Variants in DNAH7 observed in about 807,000 individuals in gnomAD.
DNAH7 encodes dynein axonemal heavy chain 7, also known as axonemal beta dynein heavy chain 7.
In DNAH7, 397 loss-of-function variants were observed where a neutral mutation model predicts 444.6. The observed-to-expected ratio is 0.89, with a 90% confidence interval of 0.82 to 0.97. The LOEUF is 0.97. Ranked by LOEUF, DNAH7 falls within the 50% of genes least tolerant of loss-of-function variation. The probability of loss-of-function intolerance (pLI) is 0.00; values close to 1 mark genes in which losing one functional copy is unlikely to be tolerated. For synonymous variants in DNAH7, 1,636 were observed against 1,624.4 expected (o/e 1.01, Z -0.17); for missense variants, 4,902 against 4,800.8 (o/e 1.02, Z -0.62).
chr2:195,879,744 CTG>C (rs1228764059), intron 36 of DNAH7, among the ~76,000 whole-genome samples: 15 of 152,106 alleles, frequency 9.9e-5, no homozygotes, highest in Middle Eastern at 6.8e-3. Flanking sequence ...TCTATAAAAG[CTG>C]TGTATTTATG....
In DNAH7 at chr2:195,808,051, A is replaced by C. The variant is rs527772508; in HGVS notation, c.10083+631T>G. On this transcript the variant is annotated intron_variant, in intron 53 of 64. Coordinates refer to ENST00000312428, the MANE Select transcript of DNAH7 (RefSeq NM_018897.3). ...AACCTCTCCCTAGGAGAGCTCTTGC[A>C]TATTAAACTCACAGAAAGCAGGAAG... 1.1e-3 allele frequency among the ~76,000 whole-genome samples: 165 copies of C among 152,332 alleles called. 2 individuals are homozygous for C. Among genetic ancestry groups the C allele is most frequent in the African/African-American group, 3.8e-3 (157 of 41,574 alleles).
chr2:195,776,273 G>A (rs1171476684), intron 59 of DNAH7, among the ~76,000 whole-genome samples: 3 of 151,946 alleles, frequency 2.0e-5, no homozygotes, highest in East Asian at 1.9e-4. Context: ...GAGAAACCCC[G>A]TCTCTCCTAA....
rs755912873 is a variant in DNAH7 at position 195,766,167 on chromosome 2, A to ATTTTTTTTTTTTTTTTTTTTTTTTTTTTT, written c.11433+5492_11433+5493insAAAAAAAAAAAAAAAAAAAAAAAAAAAAA. Among the ~76,000 whole-genome samples, 138 of 57,330 alleles carry ATTTTTTTTTTTTTTTTTTTTTTTTTTTTT rather than the reference A, an allele frequency of 2.4e-3. 29 individuals are homozygous for ATTTTTTTTTTTTTTTTTTTTTTTTTTTTT. The highest frequency in any genetic ancestry group is 3.6e-3 in the Non-Finnish European group (97 of 26,862). The allele number at this position is 57,330 out of a possible 152,430, so 37.6% of individuals were successfully genotyped here. ...GTTCTCGTTTAATTTGTGGGAGCTA[A>ATTTTTTTTTTTTTTTTTTTTTTTTTTTTT]TTTTTTTTTTTTTTTTTTTTTTTTG... On this transcript the variant is annotated intron_variant, in intron 61 of 64. Transcript: ENST00000312428.
At chr2:195,963,195 C>A (rs573340925) in intron 17 of DNAH7, among the ~76,000 whole-genome samples, 112 of 152,308 alleles carry the variant, frequency 7.4e-4, no homozygotes, top group African/African-American at 2.5e-3. Context: ...GCAAACTGTT[C>A]TCCATAGTAG....
chr2:195,991,950 T>C (rs10182638), intron 12 of DNAH7, among the ~76,000 whole-genome samples: 46,416 of 152,140 alleles, frequency 0.31, 9,808 homozygotes, highest in African/African-American at 0.6. Context: ...AAAAATCTTA[T>C]GCATGAAGAA....
At chr2:195,774,783 T>C (rs1694990284) in intron 60 of DNAH7, among the ~76,000 whole-genome samples, 1 of 152,202 alleles carries the variant, frequency 6.6e-6, no homozygotes, top group Admixed American at 6.5e-5. Flanking sequence ...TAGTACAGAG[T>C]AAGCACTATA....
At chr2:195,815,707 T>G (rs896819997) in intron 51 of DNAH7, among the ~76,000 whole-genome samples, 3 of 152,182 alleles carry the variant, frequency 2.0e-5, no homozygotes, top group Admixed American at 1.3e-4. Context: ...TAAACTCTAT[T>G]AAAAACATGT....
intron 10 of DNAH7, among the ~76,000 whole-genome samples, chr2:196,005,425 T>C (rs1457518734): frequency 6.6e-6 from 1 of 150,744 alleles, no homozygotes; most frequent in African/African-American, 2.4e-5. Flanking sequence ...AAACCTAAAG[T>C]TGGTTGTTTA....
chr2:195,834,108 G>A, intron 48 of DNAH7, 98 bp downstream of exon 48: 2 of 1,253,540 alleles, frequency 1.6e-6, no homozygotes, highest in Middle Eastern at 2.9e-4. Flanking sequence ...TTGGTAGGCT[G>A]AGGTGGGAGG....
At chr2:195,961,027 A>T in intron 17 of DNAH7, 82 bp from the exon 18 acceptor site, 1 of 1,200,986 alleles carries the variant, frequency 8.3e-7, no homozygotes, top group Non-Finnish European at 1.1e-6. Context: ...TATCTATTTC[A>T]AATGTGAGCC....
rs755131360 is a variant in DNAH7, at chr2:195,809,768, T to A, written c.9865A>T (p.Asn3289Tyr). The A allele has an allele frequency of 1.9e-6, 3 of 1,597,314 alleles. No homozygotes were observed. The East Asian group carries it at 6.8e-5, about 36-fold the overall frequency. ...ACCGCCCGCTCATGCAGCAGTAGAT[T>A]TATGGTTAGACAAAAGGAAAAGAGC... ...KLLFSFCLTI[N>Y]LLLHERAINK... The change falls in exon 52 of 65, where the codon AAT becomes TAT. Residue 3289 changes from asparagine to tyrosine, a missense_variant. By Grantham distance (143) the Asn-to-Tyr change is moderately radical (BLOSUM62 -2). Transcript: ENST00000312428.
At chr2:195,823,631 TC>T (rs962422696) in intron 49 of DNAH7, among the ~76,000 whole-genome samples, 11 of 152,032 alleles carry the variant, frequency 7.2e-5, no homozygotes, top group Non-Finnish European at 1.5e-4. Flanking sequence ...AAGCAATCCT[TC>T]ACTCACTCAT....
intron 27 of DNAH7, 34 bp downstream of exon 27, chr2:195,906,625 G>T: frequency 6.3e-7 from 1 of 1,591,160 alleles, no homozygotes; most frequent in African/African-American, 1.4e-5. Flanking sequence ...AAATTATAGA[G>T]AAGAAATAGA....
intron 24 of DNAH7, among the ~76,000 whole-genome samples, chr2:195,919,237 A>T (rs1460113114): frequency 3.9e-5 from 3 of 76,402 alleles, no homozygotes; most frequent in East Asian, 4.8e-4. Context: ...GACTTTGTTT[A>T]AAAAAAAAAA....
intron 2 of DNAH7, among the ~76,000 whole-genome samples, chr2:196,056,526 T>C (rs1697818912): frequency 2.0e-5 from 3 of 151,920 alleles, no homozygotes; most frequent in Admixed American, 6.6e-5. Context: ...CTCACACACA[T>C]GAGCAGCCAG....
At chr2:195,974,578 C>T (rs1692057362) in intron 15 of DNAH7, among the ~76,000 whole-genome samples, 1 of 152,058 alleles carries the variant, frequency 6.6e-6, no homozygotes, top group Non-Finnish European at 1.5e-5. Context: ...AATGATGATA[C>T]TCTCCATATT....
chr2:195,956,369 T>A (rs1036440820), intron 19 of DNAH7, among the ~76,000 whole-genome samples: 3 of 152,184 alleles, frequency 2.0e-5, no homozygotes, highest in African/African-American at 7.2e-5. Context: ...AAATGTATTC[T>A]GCCAGTCATG....
chr2:195,922,150 T>TC lies in DNAH7; in HGVS notation c.3872dup (p.Tyr1292IlefsTer2). 1 of 1,613,472 alleles carries TC rather than the reference T, an allele frequency of 6.2e-7. No homozygotes were observed. The highest frequency in any genetic ancestry group is 8.5e-7 in the Non-Finnish European group (1 of 1,179,426). On this transcript the variant is annotated frameshift_variant, in exon 24 of 65. Transcript: ENST00000312428. LOFTEE classifies it high-confidence loss of function. ...TAGGGGAATTACCCAGATATTCATA[T>TC]CCATATCGCAAACCAGCATTGATCA...
At chr2:196,062,440 G>A (rs1309304812) in intron 1 of DNAH7, among the ~76,000 whole-genome samples, 3 of 152,296 alleles carry the variant, frequency 2.0e-5, no homozygotes, top group East Asian at 3.9e-4. Context: ...AGTCCTATTG[G>A]ATTCACTTTA....
Sources: allele counts gnomAD v4.1 joint callset (sites outside exome capture counted in the v4.1 genomes callset), GRCh38; gene constraint gnomAD v4.1.1; transcripts MANE v1.5; gene names NCBI Gene and HGNC (gene_info 2026-07-23, HGNC 2026-07-21).